ATIC: variants seen among roughly 807,000 people sequenced by gnomAD.
ATIC encodes the protein bifunctional purine biosynthesis protein ATIC.
In ATIC, 64 loss-of-function variants were observed where a neutral mutation model predicts 72.5. The observed-to-expected ratio is 0.88, with a 90% CI of 0.72 to 1.09. The LOEUF is 1.09. Ranked by LOEUF, ATIC falls within the 50% of genes least tolerant of loss-of-function variation. The pLI is 0.00. For synonymous variants in ATIC, 281 were observed against 267.1 expected (o/e 1.05, Z -0.51); for missense variants, 787 against 732.4 (o/e 1.07, Z -0.86).
intron 2 of ATIC, among the ~76,000 whole-genome samples, chr2:215,316,214 C>T (rs565400824): frequency 8.6e-5 from 13 of 152,034 alleles, no homozygotes; most frequent in African/African-American, 2.4e-4. Flanking sequence ...GAAATAAATC[C>T]GCCTTCTCTA....
chr2:215,336,026 T>C lies in ATIC; in HGVS notation c.1009-9T>C, dbSNP rs756738430. 6.3e-7 allele frequency: 1 copy of C among 1,592,192 alleles called. No individual in the cohort carries two copies. The highest frequency in any genetic ancestry group is 1.7e-5 in the Admixed American group (1 of 59,366). On this transcript the variant is annotated splice_polypyrimidine_tract_variant and intron_variant, in intron 10 of 15. Coordinates refer to ENST00000236959, the MANE Select transcript of ATIC (RefSeq NM_004044.7). Reference sequence around the variant, plus strand: ...TAAAAATAGAAATTAAAATTTAATATTTTTGCAGGTATCTGATGGTATAAT... The same window carrying C: ...TAAAAATAGAAATTAAAATTTAATACTTTTGCAGGTATCTGATGGTATAAT...
the ATIC span, among the ~76,000 whole-genome samples, chr2:215,356,902 CA>C: frequency 6.6e-6 from 1 of 152,108 alleles, no homozygotes; most frequent in Non-Finnish European, 1.5e-5. Context: ...CATCTGTGTG[CA>C]AGTTTTTGTG....
chr2:215,356,542 A>C, the ATIC span, among the ~76,000 whole-genome samples: 1 of 152,326 alleles, frequency 6.6e-6, no homozygotes, highest in Admixed American at 6.5e-5. Flanking sequence ...TTGTGCAACA[A>C]TCACCATTAT....
chr2:215,349,803 C>T (rs545381416), downstream of ATIC: 49 of 1,419,622 alleles, frequency 3.5e-5, no homozygotes, highest in South Asian at 5.5e-4. Flanking sequence ...GTTAAAGATG[C>T]AGGCTCTTTG....
the ATIC span, among the ~76,000 whole-genome samples, chr2:215,360,037 C>G: frequency 6.6e-6 from 1 of 152,154 alleles, no homozygotes; most frequent in East Asian, 1.9e-4. Flanking sequence ...CTTCTGGGTT[C>G]AAGCCATTCT....
intron 2 of ATIC, among the ~76,000 whole-genome samples, chr2:215,317,819 C>G (rs559481094): frequency 6.6e-6 from 1 of 152,158 alleles, no homozygotes; most frequent in East Asian, 1.9e-4. Flanking sequence ...TTGTTACATA[C>G]TGCCAAATTC....
intron 2 of ATIC, among the ~76,000 whole-genome samples, chr2:215,316,744 C>A (rs2052713937): frequency 6.6e-6 from 1 of 151,910 alleles, no homozygotes; most frequent in African/African-American, 2.4e-5. Context: ...GTTTTGCTTC[C>A]TGCTTTATTT....
Position 215,312,160 on chromosome 2 carries a change from C to T in ATIC, c.18C>T (p.Leu6=), listed in dbSNP as rs1291747050. The T allele has an allele frequency of 2.6e-6, 4 of 1,520,498 alleles. No homozygotes were observed. The South Asian group carries it at 3.7e-5, about 14-fold the overall frequency. 94.2% of individuals were successfully genotyped at this position (1,520,498 alleles called of 1,614,324 possible). MAPGQ[L]ALFSVSDKTG... is the part of the protein sequence containing the mutation. ...CTGCAGCCATGGCTCCCGGCCAGCT[C>T]GGTGAGGCCCTAGCGGAGCGGCGCG... is the stretch of plus-strand genomic sequence containing the variant. Residue 6 remains leucine (L), a splice_region_variant and synonymous_variant, in exon 1 of 16, where the codon CTC becomes CTT. Coordinates refer to ENST00000236959, the MANE Select transcript of ATIC (RefSeq NM_004044.7).
At chr2:215,317,968 A>G (rs898687278) in intron 2 of ATIC, among the ~76,000 whole-genome samples, 189 bp from the exon 3 acceptor site, 1 of 152,214 alleles carries the variant, frequency 6.6e-6, no homozygotes, top group Admixed American at 6.5e-5. Flanking sequence ...TAAATTAAAT[A>G]AACTTTTTTT....
At chr2:215,320,205 C>T (rs2052752521) in intron 4 of ATIC, among the ~76,000 whole-genome samples, 1 of 152,162 alleles carries the variant, frequency 6.6e-6, no homozygotes, top group African/African-American at 2.4e-5. Flanking sequence ...CATAAAGATA[C>T]TGGCTGTTTC....
the ATIC span, chr2:215,361,288 GA>G: frequency 1.7e-5 from 7 of 411,788 alleles, no homozygotes; most frequent in Non-Finnish European, 2.7e-5. Flanking sequence ...CCAAATCTTA[GA>G]ATCACTTCAT....
the ATIC span, among the ~76,000 whole-genome samples, chr2:215,358,525 G>A: frequency 2.6e-5 from 4 of 152,124 alleles, no homozygotes; most frequent in African/African-American, 9.7e-5. Flanking sequence ...TGCTAAAAGT[G>A]TCAGCTGACA....
downstream of ATIC, among the ~76,000 whole-genome samples, chr2:215,352,192 C>A (rs2053135610): frequency 6.6e-6 from 1 of 152,096 alleles, no homozygotes; most frequent in African/African-American, 2.4e-5. Flanking sequence ...AATATTGGTT[C>A]ACTAATTGTA....
At chr2:215,347,972 A>G (rs1306321677) in intron 14 of ATIC, among the ~76,000 whole-genome samples, 1 of 152,092 alleles carries the variant, frequency 6.6e-6, no homozygotes, top group Non-Finnish European at 1.5e-5. Flanking sequence ...GAGTCTGGGG[A>G]GGCCTACCCT....
chr2:215,325,766 A>G (rs2052816727), intron 5 of ATIC, among the ~76,000 whole-genome samples: 1 of 151,988 alleles, frequency 6.6e-6, no homozygotes, highest in Admixed American at 6.6e-5. Context: ...GAATTTCGCC[A>G]TGTTGGCCAG....
At position 215,346,810 on chromosome 2, in the gene ATIC, G is replaced by A. The variant is rs1457462405; in HGVS notation, c.1372G>A (p.Ala458Thr). Reference sequence around the variant, plus strand: ...GTCTCGTATACACTGCACTCGCCTTGCAGGAGATAAGGCAAACTATTGGTG... The same window carrying A: ...GTCTCGTATACACTGCACTCGCCTTACAGGAGATAAGGCAAACTATTGGTG... ...QQSRIHCTRL[A>T]GDKANYWWLR... The change falls in exon 14 of 16, where the codon GCA becomes ACA. Residue 458 changes from alanine to threonine, a missense_variant. Coordinates refer to ENST00000236959, the MANE Select transcript of ATIC (RefSeq NM_004044.7). 3.1e-6 allele frequency: 5 copies of A among 1,614,180 alleles called. No homozygotes were observed. Among genetic ancestry groups the A allele is most frequent in the Non-Finnish European group, 4.2e-6 (5 of 1,180,034 alleles).
intron 2 of ATIC, among the ~76,000 whole-genome samples, chr2:215,317,793 AT>A (rs2052726027): frequency 6.6e-6 from 1 of 152,006 alleles, no homozygotes; most frequent in Non-Finnish European, 1.5e-5. Flanking sequence ...CCGGCCAAGG[AT>A]ATTTTTAATG....
In ATIC at chr2:215,312,179, C is replaced by A. The variant is rs770383975; in HGVS notation, c.19+18C>A. On this transcript the variant is annotated intron_variant, in intron 1 of 15. Transcript: ENST00000236959. The stretch of plus-strand genomic sequence containing the variant: ...CCAGCTCGGTGAGGCCCTAGCGGAG[C>A]GGCGCGGTCTGCGTCCTCGCCTGCG... 1 of 1,501,620 alleles carries A rather than the reference C, an allele frequency of 6.7e-7. No individual in the cohort carries two copies. Among genetic ancestry groups the A allele is most frequent in the Non-Finnish European group, 8.8e-7 (1 of 1,133,192 alleles). The allele number at this position is 1,501,620 out of a possible 1,614,324, so 93.0% of individuals were successfully genotyped here. A position where few individuals can be genotyped will look rare whatever the true frequency, so the allele number is the denominator to read the frequency against.
chr2:215,332,588 T>C, intron 8 of ATIC, 81 bp downstream of exon 8: 2 of 1,532,958 alleles, frequency 1.3e-6, no homozygotes, highest in Non-Finnish European at 1.8e-6. Context: ...TAACAAGTTC[T>C]AATGTGAATA....
Sources: gnomAD v4.1 joint callset for allele counts (sites outside exome capture counted in the v4.1 genomes callset) on GRCh38, gnomAD v4.1.1 for gene constraint, MANE v1.5 for transcripts, NCBI Gene and HGNC (gene_info 2026-07-23, HGNC 2026-07-21) for gene names.